Variants in CRYBG3 observed in about 807,000 individuals in gnomAD.
The protein encoded by CRYBG3 is crystallin beta-gamma domain containing 3.
In CRYBG3, 127 loss-of-function variants were observed where a neutral mutation model predicts 244.2. The ratio of observed to expected loss-of-function variants is 0.52; its 90% confidence interval spans 0.45 to 0.60. CRYBG3 has a LOEUF of 0.60. Ranked by LOEUF, CRYBG3 falls within the 20% of genes least tolerant of loss-of-function variation. The pLI is 0.00. For missense variants in CRYBG3, 3,325 were observed against 3,442.5 expected, an observed-to-expected ratio of 0.97 and a Z score of 0.85; for synonymous variants, 1,132 against 1,195.8, an observed-to-expected ratio of 0.95 and a Z score of 1.10.
In CRYBG3 at chr3:97,899,283, A is replaced by C. The variant is rs917602636; in HGVS notation, c.7971+20A>C. ...CAACTGGTGAGTGAAGTATGAACATAGCCAGTGCTGCATCATGTAATAGTA... is the reference window on the plus strand; with the variant it reads ...CAACTGGTGAGTGAAGTATGAACATCGCCAGTGCTGCATCATGTAATAGTA... On this transcript the variant is annotated intron_variant, in intron 14 of 21. Coordinates refer to ENST00000389622, the MANE Select transcript of CRYBG3 (RefSeq NM_153605.4). 1 of 1,605,346 alleles carries C rather than the reference A, an allele frequency of 6.2e-7. No individual in the cohort carries two copies. The highest frequency in any genetic ancestry group is 1.3e-5 in the African/African-American group (1 of 74,384).
rs540333122 is a variant in CRYBG3, at chr3:97,905,936, G to A, written c.8004+5451G>A. On this transcript the variant is annotated intron_variant, in intron 15 of 21. Transcript: ENST00000389622. Reference sequence around the variant, plus strand: ...TGATTTTTGTATAAGGTATAAGGAAGGGATCCAGTTTCAGCTTTCTGCATA... The same window carrying A: ...TGATTTTTGTATAAGGTATAAGGAAAGGATCCAGTTTCAGCTTTCTGCATA... 4.4e-4 allele frequency among the ~76,000 whole-genome samples: 65 copies of A among 148,368 alleles called. 1 individual carries two copies. Among genetic ancestry groups the A allele is most frequent in the African/African-American group, 1.5e-3 (60 of 40,332 alleles).
intron 1 of CRYBG3, chr3:97,840,691 G>C (rs2038798970): frequency 6.6e-6 from 1 of 152,060 alleles, no homozygotes; most frequent in African/African-American, 2.4e-5. Flanking sequence ...TATGTTTATA[G>C]AAAACCCTGT....
intron 15 of CRYBG3, among the ~76,000 whole-genome samples, chr3:97,911,585 A>G (rs776677853): frequency 1.3e-5 from 2 of 152,126 alleles, no homozygotes. Context: ...TTCACCAGAA[A>G]TCTTCCACTA....
chr3:97,861,985 A>AG (rs1307516716), intron 2 of CRYBG3, among the ~76,000 whole-genome samples: 1 of 152,160 alleles, frequency 6.6e-6, no homozygotes, highest in Non-Finnish European at 1.5e-5. Context: ...TGAGGGAAAA[A>AG]TTAAGCAACT....
At chr3:97,834,192 T>C (rs542653634) in intron 1 of CRYBG3, among the ~76,000 whole-genome samples, 1 of 152,268 alleles carries the variant, frequency 6.6e-6, no homozygotes, top group Non-Finnish European at 1.5e-5. Context: ...TCAGATATGC[T>C]TTATAAGTGC....
At chr3:97,936,728 A>G in intron 18 of CRYBG3, 57 bp from the exon 19 acceptor site, 1 of 1,580,098 alleles carries the variant, frequency 6.3e-7, no homozygotes. Context: ...GATACTTTTG[A>G]TGAGGGATTT....
At position 97,877,879 on chromosome 3, in the gene CRYBG3, C is replaced by T. The variant is rs1203384946; in HGVS notation, c.6685C>T (p.Leu2229=). The T allele has an allele frequency of 6.2e-7, 1 of 1,614,090 alleles. No homozygotes were observed. The highest frequency in any genetic ancestry group is 2.2e-5 in the East Asian group (1 of 44,866). ...CCAGAAATCTGACCTTACTTCTAAACTACATTCTTCTTTAAAGAGTGCTTA... is the reference window on the plus strand; with the variant it reads ...CCAGAAATCTGACCTTACTTCTAAATTACATTCTTCTTTAAAGAGTGCTTA... ...FLQKSDLTSK[L]HSSLKSAYHQ... is the part of the protein sequence containing the mutation. Residue 2229 remains leucine, a synonymous_variant, in exon 4 of 22, where the codon CTA becomes TTA. Coordinates refer to ENST00000389622, the MANE Select transcript of CRYBG3 (RefSeq NM_153605.4).
chr3:97,893,086 A>AG, intron 11 of CRYBG3, 93 bp downstream of exon 11: 1 of 1,119,400 alleles, frequency 8.9e-7, no homozygotes, highest in Non-Finnish European at 1.3e-6. Context: ...ATTTGTTTTT[A>AG]ATCTAAAAAT....
chr3:97,828,598 G>A (rs572999272), intron 1 of CRYBG3, among the ~76,000 whole-genome samples: 8 of 151,042 alleles, frequency 5.3e-5, no homozygotes, highest in Middle Eastern at 3.5e-3. Context: ...AGGCCAAGGC[G>A]GGTGGATCAC....
At chr3:97,824,214 G>A (rs2038549043) in intron 1 of CRYBG3, among the ~76,000 whole-genome samples, 2 of 152,158 alleles carry the variant, frequency 1.3e-5, no homozygotes, top group Admixed American at 6.5e-5. Flanking sequence ...AGTACTGAAT[G>A]TCCCAGTAAC....
At chr3:97,878,245 C>G (rs2039406703) in intron 4 of CRYBG3, among the ~76,000 whole-genome samples, 1 of 152,008 alleles carries the variant, frequency 6.6e-6, no homozygotes. Context: ...CTTGTCTCTA[C>G]TAAAAATAAA....
At chr3:97,942,790 A>T (rs2040260336) in intron 21 of CRYBG3, 1 of 221,470 alleles carries the variant, frequency 4.5e-6, no homozygotes, top group African/African-American at 2.3e-5. Context: ...GGTCCTTAAA[A>T]ACCCTCAGGT....
chr3:97,823,615 T>G (rs533038940), intron 1 of CRYBG3, among the ~76,000 whole-genome samples: 2 of 152,312 alleles, frequency 1.3e-5, no homozygotes, highest in East Asian at 3.9e-4. Flanking sequence ...TTAAAAATAG[T>G]TTTTAAGTCT....
chr3:97,933,388 C>T, intron 17 of CRYBG3: 1 of 399,880 alleles, frequency 2.5e-6, no homozygotes, highest in Non-Finnish European at 4.7e-6. Flanking sequence ...AATTATGGTC[C>T]ATATTACAGT....
chr3:97,856,155 TC>T (rs1248751765), intron 2 of CRYBG3, among the ~76,000 whole-genome samples: 5 of 152,104 alleles, frequency 3.3e-5, no homozygotes, highest in Admixed American at 3.3e-4. Context: ...CCAGGGATGT[TC>T]CTTGCTGAGA....
rs2039320526 is a variant in CRYBG3, at chr3:97,872,750, A to G, written c.1556A>G (p.Gln519Arg). 2.0e-6 allele frequency: 3 copies of G among 1,535,848 alleles called. No homozygotes were observed. Among genetic ancestry groups the G allele is most frequent in the Admixed American group, 3.9e-5 (2 of 50,964 alleles). Residue 519 changes from glutamine to arginine, a missense_variant, in exon 4 of 22, where the codon CAG (glutamine) becomes CGG (arginine). By Grantham distance (43) the Gln-to-Arg change is conservative (BLOSUM62 1). Coordinates refer to ENST00000389622, the MANE Select transcript of CRYBG3 (RefSeq NM_153605.4). The part of the protein sequence containing the change: ...EGKRLSAQDS[Q>R]KNVAVREIRR... ...AAGAGATTGTCTGCCCAAGACTCACAGAAAAATGTGGCTGTTAGAGAAATC... is the reference window on the plus strand; with the variant it reads ...AAGAGATTGTCTGCCCAAGACTCACGGAAAAATGTGGCTGTTAGAGAAATC...
intron 17 of CRYBG3, among the ~76,000 whole-genome samples, chr3:97,926,532 C>T (rs1332904298): frequency 6.6e-6 from 1 of 151,944 alleles, no homozygotes; most frequent in Non-Finnish European, 1.5e-5. Flanking sequence ...CCCACTCTTA[C>T]CTCTGCTGTT....
At chr3:97,885,151 G>A (rs887547946) in intron 7 of CRYBG3, among the ~76,000 whole-genome samples, 3 of 152,114 alleles carry the variant, frequency 2.0e-5, no homozygotes, top group African/African-American at 4.8e-5. Flanking sequence ...ACTTTAGAAC[G>A]AAGTATACTT....
intron 3 of CRYBG3, among the ~76,000 whole-genome samples, chr3:97,869,603 A>C (rs374841739): frequency 2.0e-5 from 3 of 152,324 alleles, no homozygotes; most frequent in Middle Eastern, 3.4e-3. Flanking sequence ...CAATAGGGAA[A>C]GACCCAAATG....
Sources: allele counts gnomAD v4.1 joint callset (sites outside exome capture counted in the v4.1 genomes callset), GRCh38; gene constraint gnomAD v4.1.1; transcripts MANE v1.5; gene names NCBI Gene and HGNC (gene_info 2026-07-23, HGNC 2026-07-21).